The following TRDN variants were observed in gnomAD, a reference collection of about 807,000 sequenced individuals.
TRDN encodes the protein triadin in skeletal muscle.
Under a neutral mutation model 149.7 loss-of-function variants are expected in TRDN, and 161 were observed. The observed-to-expected ratio is 1.08, with a 90% CI of 0.95 to 1.23. TRDN has a LOEUF of 1.23. TRDN is among the 50% of genes most tolerant of loss of function. The pLI is 0.00. For missense variants in TRDN, 896 were observed against 823.5 expected (o/e 1.09, Z -1.08); for synonymous variants, 294 against 250.5 (o/e 1.17, Z -1.64).
chr6:123,591,570 A>T (rs957922789), intron 1 of TRDN, among the ~76,000 whole-genome samples: 1 of 152,190 alleles, frequency 6.6e-6, no homozygotes, highest in African/African-American at 2.4e-5. Context: ...AGTTATTTAA[A>T]AGGTTTAGAA....
intron 1 of TRDN, among the ~76,000 whole-genome samples, chr6:123,586,966 G>A (rs538240742): frequency 6.6e-6 from 1 of 152,102 alleles, no homozygotes; most frequent in East Asian, 1.9e-4. Flanking sequence ...AGAGGTTGGG[G>A]CACGGAAATA....
intron 5 of TRDN, among the ~76,000 whole-genome samples, chr6:123,524,622 G>A (rs565927141): frequency 1.3e-5 from 2 of 152,044 alleles, no homozygotes; most frequent in East Asian, 3.9e-4. Context: ...AGTAAGAAAA[G>A]CAAAACAAAA....
chr6:123,390,415 T>C (rs1782063731), intron 13 of TRDN, among the ~76,000 whole-genome samples: 2 of 152,160 alleles, frequency 1.3e-5, no homozygotes, highest in Non-Finnish European at 2.9e-5. Context: ...TGCACATGTA[T>C]CTTCTTTTTT....
At chr6:123,572,214 T>C (rs1782614922) in intron 1 of TRDN, among the ~76,000 whole-genome samples, 1 of 152,290 alleles carries the variant, frequency 6.6e-6, no homozygotes, top group East Asian at 1.9e-4. Flanking sequence ...TTTTCCTTGG[T>C]ATTTCTTTTC....
At chr6:123,264,879 A>G (rs1776887516) in intron 33 of TRDN, among the ~76,000 whole-genome samples, 1 of 152,010 alleles carries the variant, frequency 6.6e-6, no homozygotes, top group Non-Finnish European at 1.5e-5. Context: ...AGCTATGTAC[A>G]TTTTTTAGAC....
rs548090284 is a variant in TRDN at position 123,286,295 on chromosome 6, T to C, written c.1511-7213A>G. ...CCCCAAATGCTCATCAACCAATGAG[T>C]TGATGAAGAAATTGTAGTATAGGTC... On this transcript the variant is annotated intron_variant, in intron 24 of 40. Transcript: ENST00000334268. 3.9e-5 allele frequency among the ~76,000 whole-genome samples: 6 copies of C among 151,964 alleles called. No individual in the cohort carries two copies. The South Asian group carries it at 1.2e-3, about 32-fold the overall frequency.
At chr6:123,442,607 T>A (rs900787986) in intron 10 of TRDN, among the ~76,000 whole-genome samples, 1 of 139,858 alleles carries the variant, frequency 7.2e-6, no homozygotes, top group African/African-American at 2.6e-5. Flanking sequence ...GAAATGGAGA[T>A]AACTGGGCTA....
At chr6:123,623,050 T>C (rs1328799630) in intron 1 of TRDN, among the ~76,000 whole-genome samples, 1 of 152,112 alleles carries the variant, frequency 6.6e-6, no homozygotes, top group African/African-American at 2.4e-5. Flanking sequence ...TTGCAACTCA[T>C]TAGTTAGCTC....
At chr6:123,496,075 T>C (rs1056228890) in intron 9 of TRDN, among the ~76,000 whole-genome samples, 6 of 147,002 alleles carry the variant, frequency 4.1e-5, no homozygotes, top group African/African-American at 1.5e-4. Context: ...TTATTAATAT[T>C]AATATAATAT....
In TRDN at chr6:123,530,849, T is replaced by G. The variant is rs1780211850; in HGVS notation, c.425-284A>C. Among the ~76,000 whole-genome samples the G allele has an allele frequency of 1.3e-5, 2 of 151,936 alleles. 1 individual carries two copies. The highest frequency in any genetic ancestry group is 4.1e-4 in the South Asian group (2 of 4,830). ...TTGTCACCATTTTCAGTGCTAAAAT[T>G]GGTCACAAACTATAATTATTTTTAT... On this transcript the variant is annotated intron_variant, in intron 4 of 40. Transcript: ENST00000334268.
intron 24 of TRDN, among the ~76,000 whole-genome samples, chr6:123,309,379 A>G (rs1274764610): frequency 1.3e-5 from 2 of 151,954 alleles, no homozygotes; most frequent in African/African-American, 4.8e-5. Flanking sequence ...TATAGCTACC[A>G]TACTGAAACT....
intron 21 of TRDN, chr6:123,350,861 TTAGTAA>T: frequency 3.0e-6 from 3 of 983,832 alleles, no homozygotes; most frequent in Non-Finnish European, 3.6e-6. Context: ...AAAGAAGATT[TTAGTAA>T]ACAAAATTAT....
At position 123,326,522 on chromosome 6, in the gene TRDN, A is replaced by G. The variant is rs1478854088; in HGVS notation, c.1471+5357T>C. On this transcript the variant is annotated intron_variant, in intron 23 of 40. Coordinates refer to ENST00000334268, the MANE Select transcript of TRDN (RefSeq NM_006073.4). The stretch of plus-strand genomic sequence containing the variant: ...GTCCATGACATTGAATTCTGAGTAT[A>G]TTAATATTTCTCTTAAAGTCACCCA... Among the ~76,000 whole-genome samples the G allele has an allele frequency of 2.4e-5, 3 of 122,908 alleles. No homozygotes were observed. The East Asian group carries it at 6.3e-4, about 26-fold the overall frequency. 80.6% of individuals were successfully genotyped at this position (122,908 alleles called of 152,430 possible). A position where few individuals can be genotyped will look rare whatever the true frequency, so the allele number is the denominator to read the frequency against.
chr6:123,268,770 T>C (rs1343689597), intron 31 of TRDN, among the ~76,000 whole-genome samples: 2 of 151,996 alleles, frequency 1.3e-5, no homozygotes, highest in Non-Finnish European at 2.9e-5. Flanking sequence ...GAACTGAATT[T>C]GCATAAATGT....
Position 123,366,255 on chromosome 6 carries a change from A to G in TRDN, c.1274-73T>C, listed in dbSNP as rs1013757236. The G allele has an allele frequency of 3.6e-6, 5 of 1,382,962 alleles. No individual in the cohort carries two copies. The African/African-American group carries it at 4.3e-5, about 12-fold the overall frequency. 85.7% of individuals were successfully genotyped at this position (1,382,962 alleles called of 1,614,324 possible). The stretch of plus-strand genomic sequence containing the variant: ...CAAATTCACATCTTATACTATTGAG[A>G]ATAAAATTAAAGATAAAATGTATGT... On this transcript the variant is annotated intron_variant, in intron 19 of 40. Coordinates refer to ENST00000334268, the MANE Select transcript of TRDN (RefSeq NM_006073.4).
chr6:123,519,420 G>A lies in TRDN; in HGVS notation c.485-3214C>T, dbSNP rs150695822. Among the ~76,000 whole-genome samples, 245 of 149,892 alleles carry A rather than the reference G, an allele frequency of 1.6e-3. 1 individual carries two copies. Among genetic ancestry groups the A allele is most frequent in the African/African-American group, 5.6e-3 (229 of 40,882 alleles). ...TTTTGACCCTGGCAGTCACCAGGCA[G>A]ACTATGTCTTTTTCTCAAGTATATC... On this transcript the variant is annotated intron_variant, in intron 5 of 40. Transcript: ENST00000334268.
At chr6:123,242,912 C>T (rs186290326) in intron 38 of TRDN, among the ~76,000 whole-genome samples, 1 of 152,168 alleles carries the variant, frequency 6.6e-6, no homozygotes, top group Admixed American at 6.6e-5. Flanking sequence ...CATATTGAGC[C>T]CCACAGGCTT....
intron 18 of TRDN, 68 bp from the exon 19 acceptor site, chr6:123,375,699 T>C: frequency 2.5e-6 from 3 of 1,218,492 alleles, no homozygotes; most frequent in Admixed American, 2.9e-5. Flanking sequence ...CCAAAATAAT[T>C]GTAAGGTTAT....
chr6:123,415,644 AG>A (rs1398896096), intron 12 of TRDN, among the ~76,000 whole-genome samples: 2 of 152,246 alleles, frequency 1.3e-5, no homozygotes, highest in African/African-American at 4.8e-5. Context: ...CACAATAAAA[AG>A]AAAATGATGT....
Sources: gnomAD v4.1 joint callset for allele counts (sites outside exome capture counted in the v4.1 genomes callset) on GRCh38, gnomAD v4.1.1 for gene constraint, MANE v1.5 for transcripts, NCBI Gene and HGNC (gene_info 2026-07-23, HGNC 2026-07-21) for gene names.